TP53BP1: variants seen among roughly 807,000 people sequenced by gnomAD.
TP53BP1 encodes tumor protein p53 binding protein 1, also known as TP53-binding protein 1.
Under a neutral mutation model 200.8 loss-of-function variants are expected in TP53BP1, and 61 were observed. The observed-to-expected ratio is 0.30, with a 90% CI of 0.25 to 0.38. TP53BP1 has a LOEUF of 0.38. Among genes scored for constraint, TP53BP1 ranks in the 10% least tolerant of loss-of-function variants. TP53BP1 has a pLI of 1.00. For synonymous variants in TP53BP1, 822 were observed against 844.3 expected, an observed-to-expected ratio of 0.97 and a Z score of 0.46; for missense variants, 2,144 against 2,371.9, an observed-to-expected ratio of 0.90 and a Z score of 2.00.
chr15:43,410,427 T>C (rs1328326521), intron 24 of TP53BP1, among the ~76,000 whole-genome samples: 5 of 151,986 alleles, frequency 3.3e-5, no homozygotes, highest in Non-Finnish European at 7.4e-5. Flanking sequence ...GAGAGTGAAG[T>C]AGAAGATATG....
chr15:43,507,494 C>G (rs1008633810), intron 1 of TP53BP1, among the ~76,000 whole-genome samples: 3 of 152,240 alleles, frequency 2.0e-5, no homozygotes, highest in African/African-American at 7.2e-5. Flanking sequence ...AGACCCTCCA[C>G]TGGTAACACC....
chr15:43,415,329 C>G, intron 23 of TP53BP1: 1 of 521,650 alleles, frequency 1.9e-6, no homozygotes, highest in Admixed American at 2.9e-5. Flanking sequence ...CCACCTCAGC[C>G]TCCCCAGTAG....
At chr15:43,415,409 G>T in intron 23 of TP53BP1, 185 bp downstream of exon 23, 1 of 719,458 alleles carries the variant, frequency 1.4e-6, no homozygotes, top group Non-Finnish European at 2.5e-6. Flanking sequence ...ACTAGAGTCT[G>T]TAGGGGATGG....
At chr15:43,479,043 T>C (rs776183555) in intron 7 of TP53BP1, among the ~76,000 whole-genome samples, 12 of 152,172 alleles carry the variant, frequency 7.9e-5, no homozygotes, top group Non-Finnish European at 1.3e-4. Context: ...AGACTCCATT[T>C]CTACAACAAA....
chr15:43,412,498 C>T (rs1442002622), intron 24 of TP53BP1, among the ~76,000 whole-genome samples: 7 of 152,196 alleles, frequency 4.6e-5, no homozygotes, highest in Non-Finnish European at 4.4e-5. Context: ...CCCACTGCAG[C>T]CTTCCTTCAA....
At position 43,428,144 on chromosome 15, in the gene TP53BP1, G is replaced by C. The variant is rs1220444634; in HGVS notation, c.3700C>G (p.Gln1234Glu). The change falls in exon 18 of 28, where the codon CAG becomes GAG. Residue 1234 changes from glutamine to glutamate, a missense_variant. Around this residue, in one of 4 missense-constraint regions of TP53BP1, gnomAD observed 1,700 missense variants for 1,710.3 expected, o/e 0.99. Coordinates refer to ENST00000382044, the MANE Select transcript of TP53BP1 (RefSeq NM_001141980.3). ...SQGEEEFDMP[Q>E]PPHGHVLHRH... ...TGTAAGACATGGCCATGTGGAGGCT[G>C]AGGCATATCAAACTCTTCTTCTCCC... 1 of 1,613,918 alleles carries C rather than the reference G, an allele frequency of 6.2e-7. No homozygotes were observed. The highest frequency in any genetic ancestry group is 1.1e-5 in the South Asian group (1 of 91,056).
At chr15:43,486,591 C>T (rs2079050224) in intron 4 of TP53BP1, among the ~76,000 whole-genome samples, 1 of 152,096 alleles carries the variant, frequency 6.6e-6, no homozygotes, top group African/African-American at 2.4e-5. Flanking sequence ...AGGAAGGACT[C>T]TCTGCTTTTC....
chr15:43,442,992 A>T (rs895236937), intron 14 of TP53BP1, among the ~76,000 whole-genome samples: 1 of 150,632 alleles, frequency 6.6e-6, no homozygotes, highest in South Asian at 2.1e-4. Context: ...TGTCCGGCTA[A>T]TTTTTATATT....
intron 13 of TP53BP1, chr15:43,446,869 G>T: frequency 8.1e-7 from 1 of 1,229,096 alleles, no homozygotes; most frequent in Non-Finnish European, 1.1e-6. Context: ...TCAGGCATAG[G>T]TAGCAGGAGA....
intron 11 of TP53BP1, among the ~76,000 whole-genome samples, chr15:43,465,630 G>A (rs570262689): frequency 6.6e-6 from 1 of 152,052 alleles, no homozygotes; most frequent in East Asian, 1.9e-4. Context: ...TTTCTAAATT[G>A]AGAGGGCCTG....
chr15:43,457,394 C>T (rs1251466259), intron 11 of TP53BP1, among the ~76,000 whole-genome samples, 176 bp from the exon 12 acceptor site: 2 of 152,060 alleles, frequency 1.3e-5, no homozygotes, highest in African/African-American at 4.8e-5. Flanking sequence ...TAGCCAGGAG[C>T]AGTGGCACAT....
At chr15:43,435,178 C>T (rs1412999111) in intron 16 of TP53BP1, among the ~76,000 whole-genome samples, 1 of 149,460 alleles carries the variant, frequency 6.7e-6, no homozygotes, top group Non-Finnish European at 1.5e-5. Flanking sequence ...CAGGAGAATC[C>T]CTCGAACCTG....
intron 15 of TP53BP1, among the ~76,000 whole-genome samples, chr15:43,439,175 A>G (rs887651484): frequency 2.6e-5 from 4 of 152,186 alleles, no homozygotes; most frequent in Admixed American, 2.6e-4. Flanking sequence ...AACCTTCTGT[A>G]GTAAAATGAT....
intron 1 of TP53BP1, among the ~76,000 whole-genome samples, chr15:43,509,041 G>A (rs2079254235): frequency 6.6e-6 from 1 of 151,942 alleles, no homozygotes; most frequent in African/African-American, 2.4e-5. Context: ...GCTAGTTAGC[G>A]GCCTCATCTC....
At chr15:43,423,657 CAAA>C (rs34954998) in intron 18 of TP53BP1, among the ~76,000 whole-genome samples, 1 of 110,350 alleles carries the variant, frequency 9.1e-6, no homozygotes, top group Non-Finnish European at 2.1e-5. Flanking sequence ...GACTCCACCT[CAAA>C]AAAAAAAAAA....
chr15:43,490,560 T>C (rs2079107775), intron 4 of TP53BP1, among the ~76,000 whole-genome samples: 1 of 152,178 alleles, frequency 6.6e-6, no homozygotes, highest in Non-Finnish European at 1.5e-5. Flanking sequence ...CAATAGTCTT[T>C]AACCATCTCA....
chr15:43,452,961 G>A (rs1247741461), intron 12 of TP53BP1, among the ~76,000 whole-genome samples: 2 of 152,024 alleles, frequency 1.3e-5, no homozygotes, highest in South Asian at 2.1e-4. Context: ...TTGGGAGGCC[G>A]AGGCGGGCGG....
rs866660301 is a variant in TP53BP1, at chr15:43,479,533, G to C, written c.659-7C>G. ...TGTTCTTCATGCTTAATTGCTGAGA[G>C]TTTTATAAAATGACAGGAAGGAGAT... On this transcript the variant is annotated splice_polypyrimidine_tract_variant and splice_region_variant and intron_variant, in intron 6 of 27. Coordinates refer to ENST00000382044, the MANE Select transcript of TP53BP1 (RefSeq NM_001141980.3). 2 of 1,602,638 alleles carry C rather than the reference G, an allele frequency of 1.2e-6. No homozygotes were observed. Among genetic ancestry groups the C allele is most frequent in the Non-Finnish European group, 8.5e-7 (1 of 1,176,100 alleles).
rs531062154 is a variant in TP53BP1 at position 43,469,876 on chromosome 15, G to T, written c.1371C>A (p.Ser457=). 6.2e-7 allele frequency: 1 copy of T among 1,613,538 alleles called. No individual in the cohort carries two copies. The highest frequency in any genetic ancestry group is 8.5e-7 in the Non-Finnish European group (1 of 1,179,714). ...TACTCACATGAGAAAACTGAGGCTG[G>T]GATGGGATAGGAAGTGACCCAGGAG... ...VFPPGSLPIP[S]QPQFSHDIFI... is the part of the protein sequence containing the mutation. The change falls in exon 11 of 28, where the codon TCC becomes TCA. Residue 457 remains serine, a synonymous_variant. Coordinates refer to ENST00000382044, the MANE Select transcript of TP53BP1 (RefSeq NM_001141980.3).
Sources: gnomAD v4.1 joint callset for allele counts (sites outside exome capture counted in the v4.1 genomes callset) on GRCh38, gnomAD v4.1.1 for gene constraint, gnomAD v4.1.1 regional missense constraint, MANE v1.5 for transcripts, NCBI Gene and HGNC (gene_info 2026-07-23, HGNC 2026-07-21) for gene names.